Variants in CRTC3 observed in about 807,000 individuals in gnomAD.
CRTC3 encodes CREB-regulated transcription coactivator 3.
Under a neutral mutation model 74.5 loss-of-function variants are expected in CRTC3, and 26 were observed. That is an observed-to-expected ratio of 0.35 (90% CI 0.26 to 0.48). The LOEUF (loss-of-function observed/expected upper bound fraction) is 0.48. CRTC3 is among the 20% of genes least tolerant of loss of function. CRTC3 has a pLI of 0.99. For synonymous variants in CRTC3, 377 were observed against 325.8 expected (o/e 1.16, Z -1.69); for missense variants, 760 against 787.3 (o/e 0.97, Z 0.41).
At chr15:90,553,683 T>C (rs6496689) in intron 2 of CRTC3, among the ~76,000 whole-genome samples, 103,014 of 152,034 alleles carry the variant, frequency 0.68, 36,155 homozygotes, top group Non-Finnish European at 0.77. Context: ...TTCTGCCTCC[T>C]ACGTGCTCTC....
At chr15:90,555,391 G>A (rs1004014312) in intron 2 of CRTC3, among the ~76,000 whole-genome samples, 3 of 152,098 alleles carry the variant, frequency 2.0e-5, no homozygotes, top group African/African-American at 4.8e-5. Flanking sequence ...ATATTATCTG[G>A]TTTATGAAGA....
chr15:90,579,107 C>T (rs549502504), intron 2 of CRTC3, among the ~76,000 whole-genome samples: 10 of 152,218 alleles, frequency 6.6e-5, no homozygotes, highest in Non-Finnish European at 1.2e-4. Context: ...TTTTCTTTGT[C>T]ATTATCCCCT....
chr15:90,639,184 T>C lies in CRTC3; in HGVS notation c.1548+369T>C, dbSNP rs570682345. ...CTGCTCCCACCGCAGAGTCAGAAGG[T>C]GGCGCCGCATTTGGCCTGCACCCAG... On this transcript the variant is annotated intron_variant, in intron 13 of 14. Transcript: ENST00000268184. Among the ~76,000 whole-genome samples the C allele has an allele frequency of 5.3e-5, 8 of 150,134 alleles. 1 individual carries two copies. The highest frequency in any genetic ancestry group is 2.0e-4 in the African/African-American group (8 of 40,952).
At chr15:90,623,835 C>T (rs1968734077) in intron 9 of CRTC3, among the ~76,000 whole-genome samples, 1 of 152,208 alleles carries the variant, frequency 6.6e-6, no homozygotes, top group African/African-American at 2.4e-5. Flanking sequence ...CTAAACTCAA[C>T]CTCCCGTGGT....
chr15:90,571,756 A>C (rs1967272146), intron 2 of CRTC3, among the ~76,000 whole-genome samples: 1 of 152,126 alleles, frequency 6.6e-6, no homozygotes, highest in African/African-American at 2.4e-5. Flanking sequence ...TAAGTGTTTC[A>C]TCTGCACCCT....
intron 3 of CRTC3, chr15:90,594,409 C>T (rs912641679): frequency 6.6e-6 from 1 of 152,192 alleles, no homozygotes; most frequent in Non-Finnish European, 1.5e-5. Flanking sequence ...AGCATTGTGC[C>T]GAAGGCTTTG....
intron 2 of CRTC3, among the ~76,000 whole-genome samples, chr15:90,583,089 C>A (rs1335909170): frequency 1.3e-5 from 2 of 152,164 alleles, no homozygotes; most frequent in East Asian, 3.9e-4. Context: ...CCTCCCACCT[C>A]GGCCTCCCAA....
intron 1 of CRTC3, among the ~76,000 whole-genome samples, chr15:90,533,437 A>AG (rs1966667140): frequency 1.3e-5 from 2 of 149,160 alleles, no homozygotes; most frequent in East Asian, 2.0e-4. Context: ...AAAAAAAAAA[A>AG]GGGAAGAAAG....
At position 90,547,941 on chromosome 15, in the gene CRTC3, C is replaced by T. The variant is rs372468928; in HGVS notation, c.231+7804C>T. On this transcript the variant is annotated intron_variant, in intron 2 of 14. Coordinates refer to ENST00000268184, the MANE Select transcript of CRTC3 (RefSeq NM_022769.5). ...AGGTCTCAAGGTCACCCAGCTGGAGCGCAATGATGTGATCTTGGCTCACTG... is the reference window on the plus strand; with the variant it reads ...AGGTCTCAAGGTCACCCAGCTGGAGTGCAATGATGTGATCTTGGCTCACTG... Among the ~76,000 whole-genome samples, 25 of 146,608 alleles carry T rather than the reference C, an allele frequency of 1.7e-4. No individual in the cohort carries two copies. In the East Asian group the frequency reaches 3.6e-3, roughly 21 times the overall value.
intron 11 of CRTC3, among the ~76,000 whole-genome samples, chr15:90,632,076 ATTT>A (rs5814442): frequency 1.1e-3 from 163 of 145,276 alleles, no homozygotes; most frequent in Non-Finnish European, 1.5e-3. Context: ...TAATTTTTGT[ATTT>A]TTTTTTTTTT....
chr15:90,581,490 G>T (rs1026791769), intron 2 of CRTC3, among the ~76,000 whole-genome samples: 2 of 151,976 alleles, frequency 1.3e-5, no homozygotes, highest in African/African-American at 2.4e-5. Flanking sequence ...AAGTTGTTTT[G>T]TTGGCTGGCT....
At chr15:90,615,378 T>G (rs1330462347) in intron 7 of CRTC3, among the ~76,000 whole-genome samples, 1 of 152,232 alleles carries the variant, frequency 6.6e-6, no homozygotes, top group African/African-American at 2.4e-5. Context: ...AATTTAATTT[T>G]TATAATCTAA....
At chr15:90,639,048 T>G in intron 13 of CRTC3, among the ~76,000 whole-genome samples, 1 of 152,094 alleles carries the variant, frequency 6.6e-6, no homozygotes, top group Admixed American at 6.6e-5. Context: ...GGCAGGAGAC[T>G]TTTGATGACA....
At chr15:90,631,573 C>T (rs1028649032) in intron 11 of CRTC3, among the ~76,000 whole-genome samples, 3 of 151,592 alleles carry the variant, frequency 2.0e-5, no homozygotes, top group Admixed American at 2.0e-4. Flanking sequence ...ACTAAAAATA[C>T]AAAAATTAAC....
At chr15:90,615,060 C>T (rs931434467) in intron 7 of CRTC3, among the ~76,000 whole-genome samples, 14 of 148,686 alleles carry the variant, frequency 9.4e-5, no homozygotes, top group African/African-American at 3.4e-4. Flanking sequence ...GAGACTCCGT[C>T]TAAAAATAAA....
At chr15:90,599,425 G>A (rs780134299) in intron 3 of CRTC3, 2 of 152,184 alleles carry the variant, frequency 1.3e-5, no homozygotes, top group African/African-American at 4.8e-5. Context: ...CCTTTGTCTC[G>A]AGGTTGTTAC....
intron 2 of CRTC3, among the ~76,000 whole-genome samples, chr15:90,572,093 C>T (rs960913167): frequency 4.2e-5 from 6 of 144,140 alleles, no homozygotes; most frequent in African/African-American, 1.0e-4. Flanking sequence ...GCCCAAGAGG[C>T]GGAGGTTGCA....
At chr15:90,544,457 C>A (rs1381991924) in intron 2 of CRTC3, among the ~76,000 whole-genome samples, 1 of 152,152 alleles carries the variant, frequency 6.6e-6, no homozygotes. Flanking sequence ...ATAATTTAAC[C>A]CACTACATTG....
chr15:90,544,657 T>C (rs1336066087), intron 2 of CRTC3, among the ~76,000 whole-genome samples: 1 of 152,236 alleles, frequency 6.6e-6, no homozygotes, highest in East Asian at 1.9e-4. Flanking sequence ...AATTGCTAGA[T>C]CATACAGTAA....
Sources: gnomAD v4.1 joint callset for allele counts (sites outside exome capture counted in the v4.1 genomes callset) on GRCh38, gnomAD v4.1.1 for gene constraint, MANE v1.5 for transcripts, NCBI Gene and HGNC (gene_info 2026-07-23, HGNC 2026-07-21) for gene names.